Variants in ULK4 observed in about 807,000 individuals in gnomAD.
The protein encoded by ULK4 is inactive serine/threonine-protein kinase ULK4.
Under a neutral mutation model 160.6 loss-of-function variants are expected in ULK4, and 133 were observed. The observed-to-expected ratio is 0.83, with a 90% CI of 0.72 to 0.96. ULK4 has a LOEUF of 0.96. Among genes scored for constraint, ULK4 ranks in the 40% least tolerant of loss-of-function variants. The pLI, the probability that ULK4 is intolerant of heterozygous loss-of-function variation, is 0.00. For synonymous variants in ULK4, 534 were observed against 539.8 expected (o/e 0.99, Z 0.15); for missense variants, 1,580 against 1,499.5 (o/e 1.05, Z -0.89).
At chr3:41,506,047 GTTCTT>G (rs761722011) in intron 32 of ULK4, among the ~76,000 whole-genome samples, 1 of 151,882 alleles carries the variant, frequency 6.6e-6, no homozygotes, top group Non-Finnish European at 1.5e-5. Flanking sequence ...TTACTGTAGT[GTTCTT>G]TTAATTGTGT....
At chr3:41,787,930 C>T (rs1318746157) in intron 21 of ULK4, among the ~76,000 whole-genome samples, 1 of 152,100 alleles carries the variant, frequency 6.6e-6, no homozygotes, top group Admixed American at 6.5e-5. Flanking sequence ...TCAATCCATG[C>T]CTGTGCTGAA....
chr3:41,942,782 C>T (rs1038378557), intron 2 of ULK4, among the ~76,000 whole-genome samples: 1 of 152,148 alleles, frequency 6.6e-6, no homozygotes, highest in Non-Finnish European at 1.5e-5. Flanking sequence ...TGCCATTGCA[C>T]TCCAGTCTGG....
At chr3:41,303,866 G>T (rs1275810513) in intron 35 of ULK4, among the ~76,000 whole-genome samples, 1 of 152,260 alleles carries the variant, frequency 6.6e-6, no homozygotes, top group South Asian at 2.1e-4. Context: ...GGGGCAGGGT[G>T]GGGGGCAACC....
intron 32 of ULK4, among the ~76,000 whole-genome samples, chr3:41,522,371 C>T (rs1031944850): frequency 7.2e-5 from 11 of 152,006 alleles, no homozygotes; most frequent in African/African-American, 2.7e-4. Flanking sequence ...AACTCCTGGC[C>T]TCAGGTTATC....
chr3:41,552,592 A>G (rs7649020), intron 32 of ULK4, among the ~76,000 whole-genome samples: 77,219 of 151,438 alleles, frequency 0.51, 19,766 homozygotes, highest in Middle Eastern at 0.57. Context: ...AAGAAACTGA[A>G]GAGGACAAAA....
intron 35 of ULK4, among the ~76,000 whole-genome samples, chr3:41,355,129 G>C (rs757401517): frequency 1.2e-4 from 19 of 152,166 alleles, no homozygotes; most frequent in Non-Finnish European, 2.4e-4. Flanking sequence ...TGTGTATTAA[G>C]GAGTGTTTGT....
At chr3:41,736,424 G>C (rs2038051895) in intron 22 of ULK4, among the ~76,000 whole-genome samples, 1 of 151,852 alleles carries the variant, frequency 6.6e-6, no homozygotes, top group African/African-American at 2.4e-5. Context: ...GTTTTGATTT[G>C]CATTTCTCTG....
At chr3:41,546,556 C>T (rs2086869400) in intron 32 of ULK4, among the ~76,000 whole-genome samples, 1 of 152,058 alleles carries the variant, frequency 6.6e-6, no homozygotes. Context: ...CGTAATCTTG[C>T]TCTGTGAAAG....
intron 27 of ULK4, among the ~76,000 whole-genome samples, chr3:41,693,729 G>T (rs778971508): frequency 6.6e-6 from 1 of 152,212 alleles, no homozygotes; most frequent in Non-Finnish European, 1.5e-5. Context: ...ATATTTCAGG[G>T]AAGGGAGTGA....
chr3:41,477,670 G>A (rs1324396957), intron 32 of ULK4, among the ~76,000 whole-genome samples: 1 of 152,170 alleles, frequency 6.6e-6, no homozygotes, highest in African/African-American at 2.4e-5. Context: ...TTAAACTGAA[G>A]AACTTTGACA....
At chr3:41,381,317 C>T (rs1229607778) in intron 35 of ULK4, among the ~76,000 whole-genome samples, 1 of 152,202 alleles carries the variant, frequency 6.6e-6, no homozygotes, top group African/African-American at 2.4e-5. Flanking sequence ...GCAACCCTTC[C>T]GGAATCCACA....
At chr3:41,545,414 T>C (rs1370885260) in intron 32 of ULK4, among the ~76,000 whole-genome samples, 1 of 152,220 alleles carries the variant, frequency 6.6e-6, no homozygotes, top group Non-Finnish European at 1.5e-5. Context: ...AAAATATAGA[T>C]TGGCAACTTT....
intron 2 of ULK4, among the ~76,000 whole-genome samples, chr3:41,947,835 T>C (rs1260833721): frequency 6.6e-6 from 1 of 152,144 alleles, no homozygotes; most frequent in Non-Finnish European, 1.5e-5. Flanking sequence ...AGCTCAAAAG[T>C]ACAGGATCAT....
intron 32 of ULK4, among the ~76,000 whole-genome samples, chr3:41,503,716 G>A (rs774188753): frequency 8.6e-5 from 13 of 152,010 alleles, no homozygotes; most frequent in Non-Finnish European, 1.5e-4. Flanking sequence ...CATTTAGTAT[G>A]TTTTTGTCTT....
At chr3:41,294,017 T>C (rs1392165111) in intron 35 of ULK4, among the ~76,000 whole-genome samples, 1 of 152,220 alleles carries the variant, frequency 6.6e-6, no homozygotes, top group Non-Finnish European at 1.5e-5. Flanking sequence ...GGAGGGTTGA[T>C]GTCACTGGTA....
intron 34 of ULK4, among the ~76,000 whole-genome samples, chr3:41,402,291 T>C (rs1310437381): frequency 2.0e-5 from 3 of 152,218 alleles, no homozygotes; most frequent in African/African-American, 7.2e-5. Context: ...GATAATTGTG[T>C]CACCTGTAAA....
intron 21 of ULK4, among the ~76,000 whole-genome samples, chr3:41,761,323 G>GTTA (rs3042232): frequency 0.3 from 44,709 of 147,732 alleles, 9,507 homozygotes; most frequent in African/African-American, 0.61. Flanking sequence ...TATATACTAT[G>GTTA]TTATGTTATA....
chr3:41,408,048 C>T (rs560047713), intron 34 of ULK4, among the ~76,000 whole-genome samples: 1 of 151,836 alleles, frequency 6.6e-6, no homozygotes, highest in African/African-American at 2.4e-5. Flanking sequence ...TAACAATGAA[C>T]AATCTGAAGT....
At chr3:41,374,318 G>A (rs975169345) in intron 35 of ULK4, among the ~76,000 whole-genome samples, 25 of 152,048 alleles carry the variant, frequency 1.6e-4, no homozygotes, top group Admixed American at 8.5e-4. Flanking sequence ...ACCAAAACCC[G>A]GCAGAGACAC....
Sources: gnomAD v4.1 joint callset for allele counts (sites outside exome capture counted in the v4.1 genomes callset) on GRCh38, gnomAD v4.1.1 for gene constraint, MANE v1.5 for transcripts, NCBI Gene and HGNC (gene_info 2026-07-23, HGNC 2026-07-21) for gene names.